SLC23A2: variants seen among roughly 807,000 people sequenced by gnomAD.
The protein encoded by SLC23A2 is Na(+)/L-ascorbic acid transporter 2.
SLC23A2 carries 36 observed loss-of-function variants against 73.3 expected under a neutral mutation model. The observed-to-expected ratio is 0.49, with a 90% CI of 0.38 to 0.65. The LOEUF is 0.65. Ranked by LOEUF, SLC23A2 falls within the 30% of genes least tolerant of loss-of-function variation. SLC23A2 has a pLI of 0.00. For missense variants in SLC23A2, 507 were observed against 841.6 expected, an observed-to-expected ratio of 0.60 and a Z score of 4.92; for synonymous variants, 343 against 327.3, an observed-to-expected ratio of 1.05 and a Z score of -0.52.
chr20:5,001,837 C>A (rs1033691617), upstream of SLC23A2, among the ~76,000 whole-genome samples: 2 of 152,036 alleles, frequency 1.3e-5, no homozygotes, highest in African/African-American at 4.8e-5. Flanking sequence ...CCCCTTTTTA[C>A]CCCGCCTGCC....
intron 13 of SLC23A2, among the ~76,000 whole-genome samples, chr20:4,866,507 A>G (rs976827108): frequency 1.3e-5 from 2 of 152,182 alleles, no homozygotes; most frequent in African/African-American, 4.8e-5. Context: ...GGGTAGCAAA[A>G]GGACCTCCAG....
upstream of SLC23A2, among the ~76,000 whole-genome samples, chr20:5,005,730 G>A (rs1170112696): frequency 4.6e-5 from 7 of 152,182 alleles, no homozygotes; most frequent in East Asian, 1.9e-4. Context: ...GCTCACGCTT[G>A]TAATCCCAGC....
Position 4,899,931 on chromosome 20 carries a change from T to A in SLC23A2, c.325-219A>T, listed in dbSNP as rs910751367. ...CATTGCCCTCGACGGAGTGCAATGGTGCGATCTTGGCTCACTGTGACCTCC... is the reference window on the plus strand; with the variant it reads ...CATTGCCCTCGACGGAGTGCAATGGAGCGATCTTGGCTCACTGTGACCTCC... On this transcript the variant is annotated intron_variant, in intron 5 of 16. Coordinates refer to ENST00000338244, the MANE Select transcript of SLC23A2 (RefSeq NM_005116.6). The surrounding 1 kb of genome is among the most constrained non-coding windows in gnomAD (Gnocchi z 4.9). 2.6e-5 allele frequency among the ~76,000 whole-genome samples: 4 copies of A among 152,172 alleles called. No individual in the cohort carries two copies. The highest frequency in any genetic ancestry group is 9.7e-5 in the African/African-American group (4 of 41,438).
chr20:4,924,333 C>T (rs527809020), intron 3 of SLC23A2, among the ~76,000 whole-genome samples: 5 of 152,302 alleles, frequency 3.3e-5, no homozygotes, highest in African/African-American at 7.2e-5. Flanking sequence ...TACTTTTCAA[C>T]GCCTGGAATG....
chr20:4,886,988 C>T (rs1486423180), intron 6 of SLC23A2, among the ~76,000 whole-genome samples: 1 of 152,202 alleles, frequency 6.6e-6, no homozygotes, highest in Non-Finnish European at 1.5e-5. Flanking sequence ...GTTGCAAGTC[C>T]AGAGCCCAGC....
At chr20:4,923,673 AG>A (rs1303567981) in intron 3 of SLC23A2, among the ~76,000 whole-genome samples, 3 of 152,188 alleles carry the variant, frequency 2.0e-5, no homozygotes, top group East Asian at 3.9e-4. Flanking sequence ...CATCCAACTG[AG>A]ACTTTTCGTT....
intron 6 of SLC23A2, among the ~76,000 whole-genome samples, chr20:4,891,363 G>C (rs1352124756): frequency 6.6e-6 from 1 of 152,208 alleles, no homozygotes; most frequent in Non-Finnish European, 1.5e-5. Context: ...AGGAAGGGTG[G>C]AGTAACTGAA....
intron 2 of SLC23A2, among the ~76,000 whole-genome samples, chr20:4,943,758 C>T (rs1202399928): frequency 6.6e-6 from 1 of 151,964 alleles, no homozygotes; most frequent in East Asian, 1.9e-4. Flanking sequence ...ATAACAGCCC[C>T]AAACTAGAAA....
intron 2 of SLC23A2, among the ~76,000 whole-genome samples, chr20:4,936,843 G>T (rs1693810979): frequency 6.6e-6 from 1 of 152,190 alleles, no homozygotes; most frequent in Admixed American, 6.5e-5. Context: ...ACCTCTTCCA[G>T]AGTAGTGCCT....
chr20:4,853,910 C>CAA lies in SLC23A2; in HGVS notation c.*3060_*3061dup, dbSNP rs1213806420. ...TCCTAATGAGAATGAAAATTGCTTA[C>CAA]AAAGACTAGAGTCACTTCCCATTAT... On this transcript the variant is annotated 3_prime_UTR_variant, in exon 17 of 17. Coordinates refer to ENST00000338244, the MANE Select transcript of SLC23A2 (RefSeq NM_005116.6). 2 of 152,236 alleles carry CAA rather than the reference C, an allele frequency of 1.3e-5. No individual in the cohort carries two copies. Among genetic ancestry groups the CAA allele is most frequent in the Non-Finnish European group, 2.9e-5 (2 of 68,038 alleles). 9.4% of individuals were successfully genotyped at this position (152,236 alleles called of 1,614,324 possible).
At chr20:5,003,276 C>G (rs1036547729), upstream of SLC23A2, among the ~76,000 whole-genome samples, 92 of 151,794 alleles carry the variant, frequency 6.1e-4, no homozygotes, top group Non-Finnish European at 1.2e-3. Flanking sequence ...CCCAGCTACT[C>G]GGGAGGCTGA....
chr20:4,879,818 T>A (rs1284668462), intron 9 of SLC23A2, among the ~76,000 whole-genome samples: 1 of 152,256 alleles, frequency 6.6e-6, no homozygotes, highest in African/African-American at 2.4e-5. Context: ...TGTAGCAGCA[T>A]CTTCCCAAAC....
At chr20:4,929,091 T>A (rs1433400395) in intron 3 of SLC23A2, among the ~76,000 whole-genome samples, 1 of 151,642 alleles carries the variant, frequency 6.6e-6, no homozygotes, top group Admixed American at 6.6e-5. Context: ...TCTCTAAATT[T>A]AAAAAATATA....
intron 1 of SLC23A2, among the ~76,000 whole-genome samples, chr20:4,986,005 T>G (rs1356438238): frequency 2.6e-5 from 4 of 152,184 alleles, no homozygotes; most frequent in African/African-American, 9.7e-5. Context: ...AGGGAATCCC[T>G]CTCCCGCCAT....
chr20:4,888,772 T>C (rs2122840749), intron 6 of SLC23A2, among the ~76,000 whole-genome samples: 2 of 152,324 alleles, frequency 1.3e-5, no homozygotes, highest in Middle Eastern at 6.8e-3. Flanking sequence ...GAATCTGTAA[T>C]GTGTTCCCCT....
intron 3 of SLC23A2, among the ~76,000 whole-genome samples, chr20:4,925,640 G>A (rs537577051): frequency 4.6e-5 from 7 of 152,052 alleles, no homozygotes; most frequent in South Asian, 2.1e-4. Context: ...GGCACCCACC[G>A]CAGGAATTTC....
At chr20:4,961,265 T>C (rs2681111) in intron 2 of SLC23A2, among the ~76,000 whole-genome samples, 2,457 of 152,252 alleles carry the variant, frequency 0.016, 28 homozygotes, top group Middle Eastern at 0.027. Context: ...GTATTTTTAG[T>C]AGAGACGGGG....
At chr20:4,992,668 G>A (rs2087947079) in intron 1 of SLC23A2, among the ~76,000 whole-genome samples, 1 of 151,680 alleles carries the variant, frequency 6.6e-6, no homozygotes, top group Non-Finnish European at 1.5e-5. Flanking sequence ...GTACTACCAT[G>A]CCGGGCTAAT....
At chr20:4,894,744 CTG>C (rs1654545759) in intron 6 of SLC23A2, among the ~76,000 whole-genome samples, 1 of 150,974 alleles carries the variant, frequency 6.6e-6, no homozygotes, top group African/African-American at 2.4e-5. Context: ...ATCTGTTTCA[CTG>C]TGTCTTCTGC....
Sources: allele counts gnomAD v4.1 joint callset (sites outside exome capture counted in the v4.1 genomes callset), GRCh38; gene constraint gnomAD v4.1.1; non-coding constraint Gnocchi (gnomAD v3.1); transcripts MANE v1.5; gene names NCBI Gene and HGNC (gene_info 2026-07-23, HGNC 2026-07-21).